Variants in DMD observed in about 807,000 individuals in gnomAD.
DMD encodes the protein dystrophin.
A neutral mutation model predicts 330.1 loss-of-function variants in DMD; 63 were observed. That is an observed-to-expected ratio of 0.19 (90% CI 0.16 to 0.24). The LOEUF (loss-of-function observed/expected upper bound fraction) is 0.24. Among genes scored for constraint, DMD ranks in the 10% least tolerant of loss-of-function variants. The pLI, the probability that DMD is intolerant of heterozygous loss-of-function variation, is 1.00. For missense variants in DMD, 3,344 were observed against 2,684.1 expected (o/e 1.25, Z -5.43); for synonymous variants, 1,223 against 959.8 (o/e 1.27, Z -5.07).
chrX:31,227,584 C>G (rs758504062), intron 63 of DMD, among the ~76,000 whole-genome samples: 3 of 111,230 alleles, frequency 2.7e-5, no homozygotes, highest in Non-Finnish European at 3.8e-5. Context: ...GCAATGCGGG[C>G]TCTTTTTTGG....
intron 67 of DMD, among the ~76,000 whole-genome samples, chrX:31,183,936 C>G (rs2041453448): frequency 9.4e-6 from 1 of 105,899 alleles, no homozygotes; most frequent in Admixed American, 1.0e-4. Flanking sequence ...TTGAGACTGA[C>G]TCTATCTCTA....
chrX:32,479,150 ATAT>A lies in DMD; in HGVS notation c.2803+5766_2803+5768del, dbSNP rs1341234896. Among the ~76,000 whole-genome samples the A allele has an allele frequency of 2.0e-4, 22 of 111,593 alleles. No homozygotes were observed. The Admixed American group carries it at 2.0e-3, about 10-fold the overall frequency. On this transcript the variant is annotated intron_variant, in intron 21 of 78. Transcript: ENST00000357033. ...TCAAAATATCATGTTAAACTATTTC[ATAT>A]TTAACTAACAAATAATAATTATGTG...
chrX:32,172,059 A>T (rs2096889594), intron 44 of DMD, among the ~76,000 whole-genome samples: 2 of 112,099 alleles, frequency 1.8e-5, no homozygotes, highest in Non-Finnish European at 3.8e-5. Context: ...AGAAGGAACA[A>T]ATGAAAGCCC....
At chrX:31,611,150 A>C (rs1189126251) in intron 55 of DMD, among the ~76,000 whole-genome samples, 1 of 109,426 alleles carries the variant, frequency 9.1e-6, no homozygotes, top group East Asian at 2.9e-4. Flanking sequence ...AGTGGTTCTC[A>C]AATTTAAGTG....
chrX:33,011,959 T>C (rs753651401), intron 2 of DMD, among the ~76,000 whole-genome samples: 1 of 111,616 alleles, frequency 9.0e-6, no homozygotes, highest in African/African-American at 3.2e-5. Flanking sequence ...CCAGAGAATA[T>C]AGGTGTAATC....
At chrX:31,200,626 C>T (rs895394761) in intron 67 of DMD, among the ~76,000 whole-genome samples, 1 of 111,102 alleles carries the variant, frequency 9.0e-6, no homozygotes, top group African/African-American at 3.3e-5. Flanking sequence ...GTTATGAAAC[C>T]AGAGTAGGAA....
At chrX:31,918,668 C>T (rs1292920006) in intron 47 of DMD, among the ~76,000 whole-genome samples, 1 of 108,360 alleles carries the variant, frequency 9.2e-6, no homozygotes, top group Non-Finnish European at 1.9e-5. Context: ...GACAGAGTCT[C>T]ACTCGGTTGC....
At chrX:33,041,321 C>T (rs2094296186) in intron 1 of DMD, 3 of 1,091,309 alleles carry the variant, frequency 2.7e-6, no homozygotes, top group Non-Finnish European at 3.7e-6. Flanking sequence ...GCCTAAATAG[C>T]TACCGCCTCT....
At chrX:32,822,798 G>C (rs1404583658) in intron 5 of DMD, among the ~76,000 whole-genome samples, 5 of 110,582 alleles carry the variant, frequency 4.5e-5, no homozygotes, top group Non-Finnish European at 9.5e-5. Flanking sequence ...AAGACCCTAT[G>C]CTCAGGTGAC....
At chrX:32,813,194 A>C (rs771732740) in intron 6 of DMD, among the ~76,000 whole-genome samples, 1 of 112,054 alleles carries the variant, frequency 8.9e-6, no homozygotes, top group Admixed American at 9.5e-5. Flanking sequence ...CTAGCATTAA[A>C]AATGAATTGA....
At chrX:31,955,431 T>A (rs1188794346) in intron 45 of DMD, among the ~76,000 whole-genome samples, 1 of 112,053 alleles carries the variant, frequency 8.9e-6, no homozygotes, top group Non-Finnish European at 1.9e-5. Flanking sequence ...GACTTTTAGT[T>A]CTCGATCCTT....
intron 44 of DMD, among the ~76,000 whole-genome samples, chrX:32,053,138 G>A (rs757444484): frequency 7.2e-5 from 8 of 111,482 alleles, no homozygotes; most frequent in African/African-American, 2.6e-4. Flanking sequence ...CTAAAAGAAG[G>A]TGTAATAGTT....
intron 2 of DMD, among the ~76,000 whole-genome samples, chrX:32,878,631 TA>T (rs1324378982): frequency 9.0e-6 from 1 of 111,547 alleles, no homozygotes; most frequent in African/African-American, 3.3e-5. Context: ...ATGGTTTGAT[TA>T]GATAGAATCT....
chrX:31,748,541 C>T (rs142945132), intron 51 of DMD, among the ~76,000 whole-genome samples: 2 of 111,961 alleles, frequency 1.8e-5, no homozygotes, highest in African/African-American at 6.5e-5. Context: ...TACACTTTCT[C>T]GTAAAGGTCA....
At chrX:32,858,641 A>G (rs1471618167) in intron 2 of DMD, among the ~76,000 whole-genome samples, 4 of 111,255 alleles carry the variant, frequency 3.6e-5, no homozygotes, top group African/African-American at 1.3e-4. Flanking sequence ...TGTAAAAGTA[A>G]TTTTAAGTAC....
chrX:32,189,434 G>A (rs919920629), intron 44 of DMD, among the ~76,000 whole-genome samples: 2 of 109,110 alleles, frequency 1.8e-5, no homozygotes, highest in Non-Finnish European at 3.8e-5. Flanking sequence ...TGAAAGCACA[G>A]GCACACCTAC....
intron 30 of DMD, among the ~76,000 whole-genome samples, chrX:32,392,270 A>G (rs966458234): frequency 9.0e-6 from 1 of 110,723 alleles, no homozygotes; most frequent in Non-Finnish European, 1.9e-5. Context: ...TTAGTTATTT[A>G]TGTTTTGAGA....
At chrX:32,190,585 T>TATATATATATATATA (rs1569549819) in intron 44 of DMD, among the ~76,000 whole-genome samples, 89 of 94,180 alleles carry the variant, frequency 9.4e-4, no homozygotes, top group Non-Finnish European at 1.2e-3. Flanking sequence ...TATATATATA[T>TATATATATATATATA]TTCACCACAA....
intron 60 of DMD, among the ~76,000 whole-genome samples, chrX:31,438,062 T>A: frequency 9.1e-6 from 1 of 110,169 alleles, no homozygotes; most frequent in Non-Finnish European, 1.9e-5. Context: ...CAAATTGTGT[T>A]TCTGGGGATC....
Sources: gnomAD v4.1 joint callset for allele counts (sites outside exome capture counted in the v4.1 genomes callset) on GRCh38, gnomAD v4.1.1 for gene constraint, MANE v1.5 for transcripts, NCBI Gene and HGNC (gene_info 2026-07-23, HGNC 2026-07-21) for gene names.